Variants in C19orf18 observed in about 807,000 individuals in gnomAD.
C19orf18 encodes uncharacterized protein C19orf18.
In C19orf18, 21 loss-of-function variants were observed where a neutral mutation model predicts 23.3. The ratio of observed to expected loss-of-function variants is 0.90; its 90% confidence interval spans 0.64 to 1.30. The LOEUF (loss-of-function observed/expected upper bound fraction) is 1.30. C19orf18 is among the 50% of genes most tolerant of loss of function. C19orf18 has a pLI of 0.00. For synonymous variants in C19orf18, 96 were observed against 95.2 expected (o/e 1.01, Z -0.05); for missense variants, 249 against 259.6 (o/e 0.96, Z 0.28).
At chr19:57,973,566 A>G (rs1023693123) in intron 2 of C19orf18, among the ~76,000 whole-genome samples, 6 of 151,944 alleles carry the variant, frequency 3.9e-5, no homozygotes, top group East Asian at 1.9e-4. Flanking sequence ...TCTACTAAAA[A>G]TACAAAAAAT....
intron 2 of C19orf18, among the ~76,000 whole-genome samples, chr19:57,973,496 C>T (rs539879393): frequency 3.9e-5 from 6 of 152,038 alleles, no homozygotes; most frequent in South Asian, 4.2e-4. Context: ...GAGGCCGAGG[C>T]GGGCGGATCA....
intron 4 of C19orf18, among the ~76,000 whole-genome samples, chr19:57,964,317 T>TG (rs1568566797): frequency 6.6e-6 from 1 of 152,252 alleles, no homozygotes; most frequent in Non-Finnish European, 1.5e-5. Flanking sequence ...GGTCTCACTC[T>TG]GTCGCCCAGG....
Position 57,972,470 on chromosome 19 carries a change from C to T in C19orf18, c.261G>A (p.Arg87=). 1 of 1,613,660 alleles carries T rather than the reference C, an allele frequency of 6.2e-7. No individual in the cohort carries two copies. Among genetic ancestry groups the T allele is most frequent in the Non-Finnish European group, 8.5e-7 (1 of 1,179,622 alleles). ...ASPTNPMKFL[R]NKAIIRHRPA... ...CCAGATCCCTTGGCTTACCTTTATT[C>T]CTCAGGAATTTCATGGGGTTCGTAG... Residue 87 remains arginine, a synonymous_variant, in exon 3 of 6, where the codon AGG becomes AGA. Transcript: ENST00000314391.
At chr19:57,965,765 A>G (rs10407962) in intron 4 of C19orf18, among the ~76,000 whole-genome samples, 5,680 of 152,126 alleles carry the variant, frequency 0.037, 356 homozygotes, top group African/African-American at 0.13. Context: ...CTCCAAAAAA[A>G]GTAGAAAAAA....
chr19:57,971,502 G>A (rs1332853490), intron 3 of C19orf18, among the ~76,000 whole-genome samples: 4 of 151,824 alleles, frequency 2.6e-5, no homozygotes, highest in Non-Finnish European at 4.4e-5. Context: ...AGACAGCCTC[G>A]CTCTGTTGCC....
intron 4 of C19orf18, among the ~76,000 whole-genome samples, chr19:57,966,093 TCAGCCTCCCGAGGAGCCGGGACTACA>T (rs2072905742): frequency 6.6e-6 from 1 of 151,714 alleles, no homozygotes; most frequent in Non-Finnish European, 1.5e-5. Flanking sequence ...TTCTCCTGCC[TCAGCCTCCCGAGGAGCCGGGACTACA>T]GGCACCCGCC....
intron 3 of C19orf18, 131 bp downstream of exon 3, chr19:57,972,332 T>G: frequency 1.8e-6 from 2 of 1,094,608 alleles, no homozygotes; most frequent in Non-Finnish European, 1.3e-6. Context: ...AGGGGGCACC[T>G]TGTCTAACAC....
At chr19:57,965,171 G>C (rs2072900526) in intron 4 of C19orf18, among the ~76,000 whole-genome samples, 2 of 139,324 alleles carry the variant, frequency 1.4e-5, no homozygotes, top group South Asian at 4.5e-4. Context: ...TTTTGCTCTT[G>C]TCGCCCAGGC....
At chr19:57,965,179 G>A (rs926994287) in intron 4 of C19orf18, among the ~76,000 whole-genome samples, 1 of 147,722 alleles carries the variant, frequency 6.8e-6, no homozygotes, top group Admixed American at 6.8e-5. Flanking sequence ...TTGTCGCCCA[G>A]GCTGAATTGC....
At chr19:57,959,897 G>A (rs1018810259) in intron 5 of C19orf18, among the ~76,000 whole-genome samples, 1 of 151,496 alleles carries the variant, frequency 6.6e-6, no homozygotes, top group African/African-American at 2.4e-5. Context: ...ATCAATTGAG[G>A]TCAGGAGTTC....
chr19:57,971,274 C>T lies in C19orf18; in HGVS notation c.268+1189G>A, dbSNP rs567888894. ...GGCCTGCAAGTGCACCTTTCATGTG[C>T]AAGCCGACACACCCAAAGCCTACAC... On this transcript the variant is annotated intron_variant, in intron 3 of 5. Coordinates refer to ENST00000314391, the MANE Select transcript of C19orf18 (RefSeq NM_152474.5). 4.0e-4 allele frequency among the ~76,000 whole-genome samples: 60 copies of T among 151,842 alleles called. No individual in the cohort carries two copies. The South Asian group carries it at 7.7e-3, about 20-fold the overall frequency.
chr19:57,972,453 C>A lies in C19orf18; in HGVS notation c.268+10G>T, dbSNP rs1368730606. The A allele has an allele frequency of 1.2e-6, 2 of 1,613,918 alleles. No individual in the cohort carries two copies. The highest frequency in any genetic ancestry group is 1.7e-6 in the Non-Finnish European group (2 of 1,179,900). Reference sequence around the variant, plus strand: ...CGGGTCCACCCGCCCTCCCAGATCCCTTGGCTTACCTTTATTCCTCAGGAA... The same window carrying A: ...CGGGTCCACCCGCCCTCCCAGATCCATTGGCTTACCTTTATTCCTCAGGAA... On this transcript the variant is annotated intron_variant, in intron 3 of 5. Coordinates refer to ENST00000314391, the MANE Select transcript of C19orf18 (RefSeq NM_152474.5).
At chr19:57,966,857 G>A (rs1215247076) in intron 3 of C19orf18, among the ~76,000 whole-genome samples, 2 of 151,530 alleles carry the variant, frequency 1.3e-5, no homozygotes, top group Non-Finnish European at 2.9e-5. Context: ...CGCAACTTTC[G>A]CCTCCCGGGT....
chr19:57,963,694 TG>T (rs1483668350), intron 4 of C19orf18, among the ~76,000 whole-genome samples: 1 of 152,004 alleles, frequency 6.6e-6, no homozygotes, highest in African/African-American at 2.4e-5. Context: ...GAGACCATCC[TG>T]GGTAACATGG....
intron 2 of C19orf18, among the ~76,000 whole-genome samples, chr19:57,973,084 T>C (rs1023514249): frequency 1.6e-5 from 2 of 122,058 alleles, no homozygotes; most frequent in African/African-American, 6.4e-5. Context: ...GCGGTGGAGG[T>C]TGTGGTGAGC....
At position 57,966,728 on chromosome 19, in the gene C19orf18, C is replaced by A. The variant is rs755310647; in HGVS notation, c.269-96G>T. The A allele has an allele frequency of 5.2e-6, 4 of 771,112 alleles. No individual in the cohort carries two copies. In the East Asian group the frequency reaches 8.0e-5, roughly 15 times the overall value. The allele number at this position is 771,112 out of a possible 1,614,324, so 47.8% of individuals were successfully genotyped here. ...TGTCCTTACAGAGGGGAATGGAAGT[C>A]AAAACCAGAAACACTTTCAAAAATA... On this transcript the variant is annotated intron_variant, in intron 3 of 5. Transcript: ENST00000314391.
intron 3 of C19orf18, among the ~76,000 whole-genome samples, chr19:57,970,237 G>C (rs943605219): frequency 6.6e-6 from 1 of 152,188 alleles, no homozygotes; most frequent in East Asian, 1.9e-4. Context: ...GGTGCCAGCT[G>C]TGAGAGCCCC....
chr19:57,963,025 A>ATTTT (rs1240503714), intron 4 of C19orf18, among the ~76,000 whole-genome samples: 1 of 131,268 alleles, frequency 7.6e-6, no homozygotes, highest in Non-Finnish European at 1.6e-5. Context: ...TTTTAACTCA[A>ATTTT]TTTTTTTTTT....
intron 3 of C19orf18, among the ~76,000 whole-genome samples, chr19:57,970,578 T>C (rs1393794022): frequency 6.6e-6 from 1 of 152,062 alleles, no homozygotes; most frequent in African/African-American, 2.4e-5. Context: ...TAGACATCTT[T>C]CCATATAATT....
Sources: allele counts gnomAD v4.1 joint callset (sites outside exome capture counted in the v4.1 genomes callset), GRCh38; gene constraint gnomAD v4.1.1; transcripts MANE v1.5; gene names NCBI Gene and HGNC (gene_info 2026-07-23, HGNC 2026-07-21).